PRLR: variants seen among roughly 807,000 people sequenced by gnomAD.
PRLR encodes the protein hPRL receptor.
PRLR carries 13 observed loss-of-function variants against 40.2 expected under a neutral mutation model. The ratio of observed to expected loss-of-function variants is 0.32; its 90% CI spans 0.21 to 0.51. The LOEUF is 0.51. PRLR is among the 20% of genes least tolerant of loss of function. The pLI is 0.97. For missense variants in PRLR, 656 were observed against 747.3 expected (o/e 0.88, Z 1.42); for synonymous variants, 269 against 278.7 (o/e 0.97, Z 0.35).
intron 1 of PRLR, among the ~76,000 whole-genome samples, chr5:35,143,744 C>T (rs1260527306): frequency 2.0e-5 from 3 of 152,124 alleles, no homozygotes; most frequent in Non-Finnish European, 4.4e-5. Context: ...CAGTTTAATA[C>T]ATATAAATTA....
At chr5:35,178,337 A>T (rs2111968866) in intron 1 of PRLR, among the ~76,000 whole-genome samples, 1 of 152,346 alleles carries the variant, frequency 6.6e-6, no homozygotes, top group East Asian at 1.9e-4. Context: ...TGTCATATAC[A>T]TATACTGAGT....
intron 6 of PRLR, among the ~76,000 whole-genome samples, chr5:35,071,899 C>CTT (rs560918362): frequency 2.0e-4 from 29 of 143,968 alleles, no homozygotes; most frequent in African/African-American, 6.3e-4. Flanking sequence ...TGAGCCCAGC[C>CTT]TTTTTTTTTT....
chr5:35,177,308 C>G (rs1014477110), intron 1 of PRLR, among the ~76,000 whole-genome samples: 1 of 152,148 alleles, frequency 6.6e-6, no homozygotes, highest in African/African-American at 2.4e-5. Context: ...CTCGTTCCAC[C>G]TTACGAGAAA....
At position 35,106,406 on chromosome 5, in the gene PRLR, G is replaced by C. The variant is rs369572825; in HGVS notation, c.-44+11655C>G. Among the ~76,000 whole-genome samples the C allele has an allele frequency of 2.6e-5, 4 of 152,170 alleles. No homozygotes were observed. In the East Asian group the frequency reaches 7.7e-4, roughly 29 times the overall value. ...AACCTTAAATGTAAATGGGCTAAAT[G>C]CTCCAATTAAAAGACACAGGCTGGC... On this transcript the variant is annotated intron_variant, in intron 2 of 9. Transcript: ENST00000618457.
chr5:35,117,699 C>G lies in PRLR; in HGVS notation c.-44+362G>C, dbSNP rs191904354. Among the ~76,000 whole-genome samples the G allele has an allele frequency of 2.2e-3, 331 of 152,224 alleles. 3 individuals carry two copies. Among genetic ancestry groups the G allele is most frequent in the Admixed American group, 0.019 (285 of 15,282 alleles). On this transcript the variant is annotated intron_variant, in intron 2 of 9. Transcript: ENST00000618457. ...TTGCTTAAGAAAATAAAAGCAAGCA[C>G]AATATTTCTCTCTCTGATTATAGAA...
At chr5:35,077,289 T>G (rs1561274070) in intron 5 of PRLR, among the ~76,000 whole-genome samples, 1 of 152,106 alleles carries the variant, frequency 6.6e-6, no homozygotes, top group African/African-American at 2.4e-5. Context: ...GTGTGCTGTA[T>G]TCAGGAGACC....
At chr5:35,154,872 C>T (rs543072327) in intron 1 of PRLR, among the ~76,000 whole-genome samples, 4 of 152,036 alleles carry the variant, frequency 2.6e-5, no homozygotes, top group African/African-American at 7.3e-5. Context: ...TTATCCCCAG[C>T]GAATTAATGC....
rs1365081674 is a variant in PRLR, at chr5:35,061,820, A to G, written c.*3269T>C. 1 of 152,212 alleles carries G rather than the reference A, an allele frequency of 6.6e-6. No individual in the cohort carries two copies. The highest frequency in any genetic ancestry group is 6.5e-5 in the Admixed American group (1 of 15,286). The allele number at this position is 152,212 out of a possible 1,614,324, so 9.4% of individuals were successfully genotyped here. A position where few individuals can be genotyped will look rare whatever the true frequency, so the allele number is the denominator to read the frequency against. ...TAAGGATACATGAGCCAACTGTGCA[A>G]TGGTTGTTAACAATCTAGGATGGTG... On this transcript the variant is annotated 3_prime_UTR_variant, in exon 10 of 10. Transcript: ENST00000618457.
rs569146150 is a variant in PRLR, at chr5:35,076,953, T to C, written c.374-4209A>G. 4.5e-4 allele frequency among the ~76,000 whole-genome samples: 68 copies of C among 152,252 alleles called. 1 individual carries two copies. In the East Asian group the frequency reaches 0.012, roughly 26 times the overall value. On this transcript the variant is annotated intron_variant, in intron 5 of 9. Coordinates refer to ENST00000618457, the MANE Select transcript of PRLR (RefSeq NM_000949.7). The stretch of plus-strand genomic sequence containing the variant: ...TCATATCCAGCCAAACTAAGCTTCA[T>C]AAGTGAAGGAGAAATAAAATACTTT...
intron 2 of PRLR, among the ~76,000 whole-genome samples, chr5:35,116,344 C>CA (rs1773021982): frequency 6.6e-6 from 1 of 152,094 alleles, no homozygotes; most frequent in Non-Finnish European, 1.5e-5. Context: ...CTGGTTAAGC[C>CA]ACTCTTTAGA....
intron 2 of PRLR, among the ~76,000 whole-genome samples, chr5:35,108,233 A>G (rs558296482): frequency 6.6e-6 from 1 of 152,324 alleles, no homozygotes; most frequent in African/African-American, 2.4e-5. Flanking sequence ...TCAAAAAAAG[A>G]AGAGCTATTT....
chr5:35,083,974 T>C (rs986808622), intron 5 of PRLR, among the ~76,000 whole-genome samples: 1 of 152,098 alleles, frequency 6.6e-6, no homozygotes. Context: ...CACTAATATA[T>C]ATATCGCATA....
At position 35,061,219 on chromosome 5, in the gene PRLR, A is replaced by ACTT. The variant is rs1402519019; in HGVS notation, c.*3867_*3869dup. On this transcript the variant is annotated 3_prime_UTR_variant, in exon 10 of 10. Transcript: ENST00000618457. ...ACTTTAAAAAAAAATAGAGGAAGGC[A>ACTT]CTTTGTAAAATGTGCACAAATCTGT... The ACTT allele has an allele frequency of 6.6e-6, 1 of 152,162 alleles. No homozygotes were observed. The highest frequency in any genetic ancestry group is 1.5e-5 in the Non-Finnish European group (1 of 68,032). 9.4% of individuals were successfully genotyped at this position (152,162 alleles called of 1,614,324 possible).
At chr5:35,068,729 T>C (rs765754107) in intron 8 of PRLR, 50 bp downstream of exon 8, 1 of 1,341,264 alleles carries the variant, frequency 7.5e-7, no homozygotes, top group Non-Finnish European at 1.1e-6. Context: ...TTTTTGTCAT[T>C]ATCCTTGACT....
intron 5 of PRLR, among the ~76,000 whole-genome samples, chr5:35,074,121 C>A (rs547956969): frequency 9.2e-5 from 14 of 152,038 alleles, no homozygotes; most frequent in Non-Finnish European, 1.6e-4. Flanking sequence ...TTATAATAGC[C>A]AAAAGTGAAG....
In PRLR at chr5:35,061,143, A is replaced by G. The variant is rs1255331254; in HGVS notation, c.*3946T>C. 1 of 152,034 alleles carries G rather than the reference A, an allele frequency of 6.6e-6. No individual in the cohort carries two copies. Among genetic ancestry groups the G allele is most frequent in the Non-Finnish European group, 1.5e-5 (1 of 68,016 alleles). 9.4% of individuals were successfully genotyped at this position (152,034 alleles called of 1,614,324 possible). On this transcript the variant is annotated 3_prime_UTR_variant, in exon 10 of 10. Transcript: ENST00000618457. The stretch of plus-strand genomic sequence containing the variant: ...ATATCTATATATATATATAATCCCT[A>G]TAAGGCAAATGTTACTTTCTAATCA...
rs188584790 is a variant in PRLR at position 35,063,174 on chromosome 5, C to T, written c.*1915G>A. ...TGAATGAGCTTGGACAACTTTCCCA[C>T]ACGCTTCCCTTACTCACATGATATT... On this transcript the variant is annotated 3_prime_UTR_variant, in exon 10 of 10. Transcript: ENST00000618457. The T allele has an allele frequency of 6.6e-6, 1 of 152,214 alleles. No individual in the cohort carries two copies. Among genetic ancestry groups the T allele is most frequent in the Non-Finnish European group, 1.5e-5 (1 of 68,042 alleles). The allele number at this position is 152,214 out of a possible 1,614,324, so 9.4% of individuals were successfully genotyped here. A position where few individuals can be genotyped will look rare whatever the true frequency, so the allele number is the denominator to read the frequency against.
At chr5:35,156,048 T>G (rs1774484652) in intron 1 of PRLR, among the ~76,000 whole-genome samples, 1 of 151,734 alleles carries the variant, frequency 6.6e-6, no homozygotes, top group African/African-American at 2.4e-5. Context: ...GTAATACAGT[T>G]TATAAGTGTG....
At chr5:35,208,052 A>G (rs925108337) in intron 1 of PRLR, among the ~76,000 whole-genome samples, 5 of 152,092 alleles carry the variant, frequency 3.3e-5, no homozygotes, top group Non-Finnish European at 5.9e-5. Context: ...AAAAGGGATG[A>G]GTTATTCAAC....
Sources: gnomAD v4.1 joint callset for allele counts (sites outside exome capture counted in the v4.1 genomes callset) on GRCh38, gnomAD v4.1.1 for gene constraint, MANE v1.5 for transcripts, NCBI Gene and HGNC (gene_info 2026-07-23, HGNC 2026-07-21) for gene names.